Variants in RALYL observed in about 807,000 individuals in gnomAD.
The protein encoded by RALYL is RALY RNA binding protein like.
A neutral mutation model predicts 35.1 loss-of-function variants in RALYL; 29 were observed. The ratio of observed to expected loss-of-function variants is 0.83; its 90% CI spans 0.61 to 1.13. The LOEUF (loss-of-function observed/expected upper bound fraction) is 1.13. Ranked by LOEUF, RALYL falls within the 50% of genes most tolerant of loss-of-function variation. RALYL has a pLI of 0.00. For synonymous variants in RALYL, 120 were observed against 127.6 expected, an observed-to-expected ratio of 0.94 and a Z score of 0.40; for missense variants, 359 against 360.4, an observed-to-expected ratio of 1.00 and a Z score of 0.03.
chr8:84,891,994 A>T (rs891330447), intron 8 of RALYL, among the ~76,000 whole-genome samples: 2 of 152,216 alleles, frequency 1.3e-5, no homozygotes, highest in Admixed American at 6.5e-5. Flanking sequence ...AATGAACAGG[A>T]AATAAGAATT....
At chr8:84,369,578 G>A (rs116041908) in intron 1 of RALYL, among the ~76,000 whole-genome samples, 8,978 of 152,034 alleles carry the variant, frequency 0.059, 305 homozygotes, top group Middle Eastern at 0.099. Context: ...TTACTAGGAG[G>A]ATTTCTTCCC....
At chr8:84,777,001 T>G (rs2634068) in intron 3 of RALYL, among the ~76,000 whole-genome samples, 34,996 of 152,160 alleles carry the variant, frequency 0.23, 4,259 homozygotes, top group Non-Finnish European at 0.25. Context: ...AGGAAGCCCT[T>G]TTATACACAT....
chr8:84,812,851 G>A (rs1261822551), intron 4 of RALYL, among the ~76,000 whole-genome samples: 2 of 152,132 alleles, frequency 1.3e-5, no homozygotes, highest in South Asian at 2.1e-4. Flanking sequence ...TCCCAGCTGC[G>A]AAAGAAAAAG....
intron 1 of RALYL, among the ~76,000 whole-genome samples, chr8:84,344,771 C>G (rs1849503125): frequency 6.6e-6 from 1 of 152,050 alleles, no homozygotes; most frequent in Non-Finnish European, 1.5e-5. Flanking sequence ...TTTTAGATTC[C>G]TCATATCAGT....
rs1203857455 is a variant in RALYL, at chr8:84,788,840, T to C, written c.332+14186T>C. Among the ~76,000 whole-genome samples the C allele has an allele frequency of 2.6e-5, 4 of 152,040 alleles. No homozygotes were observed. In the East Asian group the frequency reaches 7.7e-4, roughly 29 times the overall value. ...GAGAGCAGCTGAAGTCGTCTAATCT[T>C]CAAAAAGAAAAAAGTCAAAATATCT... On this transcript the variant is annotated intron_variant, in intron 3 of 8. Coordinates refer to ENST00000521268, the MANE Select transcript of RALYL (RefSeq NM_173848.7).
intron 1 of RALYL, among the ~76,000 whole-genome samples, chr8:84,204,038 GT>G (rs141958795): frequency 2.0e-5 from 3 of 151,714 alleles, no homozygotes; most frequent in Admixed American, 6.6e-5. Context: ...CAGTGTATAA[GT>G]TTTTTTGTTT....
intron 1 of RALYL, among the ~76,000 whole-genome samples, chr8:84,293,958 T>C (rs1839278734): frequency 6.6e-6 from 1 of 152,110 alleles, no homozygotes; most frequent in African/African-American, 2.4e-5. Context: ...CAAAACAACC[T>C]GTAACATTAT....
intron 1 of RALYL, among the ~76,000 whole-genome samples, chr8:84,224,720 G>A (rs1362662756): frequency 6.6e-6 from 1 of 150,982 alleles, no homozygotes; most frequent in African/African-American, 2.4e-5. Context: ...GCAGTGGCAT[G>A]ATCTCGGCTC....
chr8:84,833,093 C>G (rs1406314822), intron 4 of RALYL, among the ~76,000 whole-genome samples: 1 of 152,118 alleles, frequency 6.6e-6, no homozygotes, highest in African/African-American at 2.4e-5. Context: ...AGGCTCTTCT[C>G]TAGCCCAACA....
chr8:84,700,537 A>ATT (rs1840004956), intron 2 of RALYL, among the ~76,000 whole-genome samples: 1 of 152,196 alleles, frequency 6.6e-6, no homozygotes, highest in South Asian at 2.1e-4. Flanking sequence ...ATAAAGAAGC[A>ATT]TCTTTCTGGA....
intron 1 of RALYL, among the ~76,000 whole-genome samples, chr8:84,352,688 A>G (rs1359092396): frequency 1.3e-5 from 2 of 150,386 alleles, no homozygotes; most frequent in East Asian, 3.9e-4. Context: ...TATCATAAGT[A>G]ATCTGCTGGC....
intron 4 of RALYL, among the ~76,000 whole-genome samples, chr8:84,830,462 C>T: frequency 6.6e-6 from 1 of 152,098 alleles, no homozygotes; most frequent in East Asian, 1.9e-4. Flanking sequence ...ACCAAGATGA[C>T]AGCTTTGTAA....
chr8:84,784,676 T>C (rs1818950617), intron 3 of RALYL, among the ~76,000 whole-genome samples: 1 of 152,190 alleles, frequency 6.6e-6, no homozygotes, highest in African/African-American at 2.4e-5. Flanking sequence ...AATTTCCTTA[T>C]AAAACTTACA....
chr8:84,571,912 T>A (rs1024629753), intron 2 of RALYL, among the ~76,000 whole-genome samples: 17 of 151,882 alleles, frequency 1.1e-4, no homozygotes, highest in Non-Finnish European at 2.2e-4. Flanking sequence ...TCATGCATTT[T>A]TGTAGTTTTG....
intron 2 of RALYL, among the ~76,000 whole-genome samples, chr8:84,634,536 G>T: frequency 6.6e-6 from 1 of 151,802 alleles, no homozygotes; most frequent in Non-Finnish European, 1.5e-5. Context: ...ACTCTATTTT[G>T]CATTATCCAT....
At chr8:84,689,886 G>A (rs1837660514) in intron 2 of RALYL, among the ~76,000 whole-genome samples, 1 of 152,130 alleles carries the variant, frequency 6.6e-6, no homozygotes, top group Non-Finnish European at 1.5e-5. Flanking sequence ...AAAGACAAAA[G>A]ATAGCAAGTG....
chr8:84,247,917 A>C (rs1563604605), intron 1 of RALYL, among the ~76,000 whole-genome samples: 1 of 152,154 alleles, frequency 6.6e-6, no homozygotes, highest in Non-Finnish European at 1.5e-5. Context: ...AAGTAGAAAC[A>C]GTTCTTCTGT....
chr8:84,627,399 C>T (rs1210269050), intron 2 of RALYL, among the ~76,000 whole-genome samples: 1 of 147,488 alleles, frequency 6.8e-6, no homozygotes, highest in East Asian at 2.0e-4. Flanking sequence ...TACTGTCATT[C>T]TTAATTTTAC....
chr8:84,756,009 T>G (rs1811311032), intron 2 of RALYL, among the ~76,000 whole-genome samples: 1 of 151,986 alleles, frequency 6.6e-6, no homozygotes, highest in South Asian at 2.1e-4. Context: ...TTACAGAAAA[T>G]GTGTTTTAAC....
Sources: allele counts gnomAD v4.1 joint callset (sites outside exome capture counted in the v4.1 genomes callset), GRCh38; gene constraint gnomAD v4.1.1; transcripts MANE v1.5; gene names NCBI Gene and HGNC (gene_info 2026-07-23, HGNC 2026-07-21).